TBC1D23: variants seen among roughly 807,000 people sequenced by gnomAD.
TBC1D23 encodes TBC1 domain family member 23.
In TBC1D23, 55 loss-of-function variants were observed where a neutral mutation model predicts 91.4. The ratio of observed to expected loss-of-function variants is 0.60; its 90% CI spans 0.48 to 0.75. The LOEUF (loss-of-function observed/expected upper bound fraction) is 0.75. TBC1D23 is among the 30% of genes least tolerant of loss of function. TBC1D23 has a pLI of 0.00. For synonymous variants in TBC1D23, 289 were observed against 281.0 expected (o/e 1.03, Z -0.28); for missense variants, 725 against 836.1 (o/e 0.87, Z 1.64).
intron 17 of TBC1D23, among the ~76,000 whole-genome samples, chr3:100,319,941 A>T (rs918785763): frequency 6.6e-6 from 1 of 152,060 alleles, no homozygotes; most frequent in Non-Finnish European, 1.5e-5. Context: ...CCACCTAAAA[A>T]TTTTTGTAAA....
chr3:100,284,313 T>C (rs1488328922), intron 4 of TBC1D23, among the ~76,000 whole-genome samples: 5 of 152,142 alleles, frequency 3.3e-5, no homozygotes, highest in Non-Finnish European at 5.9e-5. Flanking sequence ...CACAGAAATT[T>C]ATTTTTAAAA....
At chr3:100,305,377 A>C (rs1042670216) in intron 12 of TBC1D23, among the ~76,000 whole-genome samples, 1 of 152,188 alleles carries the variant, frequency 6.6e-6, no homozygotes, top group Non-Finnish European at 1.5e-5. Context: ...CTAGGAGAGT[A>C]AAATAATTGG....
chr3:100,318,639 C>G (rs893949556), intron 16 of TBC1D23, among the ~76,000 whole-genome samples: 2 of 150,100 alleles, frequency 1.3e-5, no homozygotes, highest in Non-Finnish European at 3.0e-5. Context: ...GAATTGATTG[C>G]GTTATTCTTT....
In TBC1D23 at chr3:100,295,147, T is replaced by A. The variant is rs756938660; in HGVS notation, c.661T>A (p.Tyr221Asn). The change falls in exon 6 of 19, where the codon TAT (tyrosine) becomes AAT (asparagine). Residue 221 changes from tyrosine (Y) to asparagine (N), a missense_variant. Physicochemically the swap from Tyr to Asn is moderately radical, Grantham distance 143 (BLOSUM62 -2). Transcript: ENST00000394144. ...AGTCACTCAGGCAATATGGGATGGA[T>A]ATCTACAACAAGCAGATCCATTTTT... is the stretch of plus-strand genomic sequence containing the variant. ...TEVTQAIWDG[Y>N]LQQADPFFIY... 4 of 1,606,862 alleles carry A rather than the reference T, an allele frequency of 2.5e-6. No homozygotes were observed. Among genetic ancestry groups the A allele is most frequent in the Non-Finnish European group, 1.7e-6 (2 of 1,176,796 alleles).
At chr3:100,289,697 G>A (rs1357243545) in intron 4 of TBC1D23, among the ~76,000 whole-genome samples, 2 of 152,154 alleles carry the variant, frequency 1.3e-5, no homozygotes, top group Admixed American at 1.3e-4. Flanking sequence ...CTGAGATGAT[G>A]ACTAGAAACT....
chr3:100,311,813 T>C lies in TBC1D23; in HGVS notation c.1554-20T>C. ...TTTTTATAATCATTTTGTTCTGTCC[T>C]CTGCCTTGATTTGCTATAGAATGTC... On this transcript the variant is annotated intron_variant, in intron 14 of 18. Transcript: ENST00000394144. 1.3e-6 allele frequency: 2 copies of C among 1,523,278 alleles called. No individual in the cohort carries two copies. Among genetic ancestry groups the C allele is most frequent in the Non-Finnish European group, 1.8e-6 (2 of 1,134,904 alleles). 94.4% of individuals were successfully genotyped at this position (1,523,278 alleles called of 1,614,324 possible). A position where few individuals can be genotyped will look rare whatever the true frequency, so the allele number is the denominator to read the frequency against.
chr3:100,273,842 T>C (rs573198647), intron 1 of TBC1D23, among the ~76,000 whole-genome samples: 139 of 152,250 alleles, frequency 9.1e-4, no homozygotes, highest in African/African-American at 3.1e-3. Flanking sequence ...GATCCCTTCT[T>C]TACACTATAT....
chr3:100,309,511 G>T (rs1705580127), intron 13 of TBC1D23, among the ~76,000 whole-genome samples: 1 of 151,616 alleles, frequency 6.6e-6, no homozygotes, highest in Non-Finnish European at 1.5e-5. Flanking sequence ...AGATAAGAAA[G>T]GTCAGTAGTT....
At chr3:100,293,271 C>T (rs967420854) in intron 5 of TBC1D23, among the ~76,000 whole-genome samples, 4 of 152,156 alleles carry the variant, frequency 2.6e-5, no homozygotes, top group Non-Finnish European at 5.9e-5. Flanking sequence ...GTAGTTGGCA[C>T]TGCAGGCGCC....
chr3:100,279,073 C>G (rs2067673935), intron 1 of TBC1D23, among the ~76,000 whole-genome samples: 2 of 152,198 alleles, frequency 1.3e-5, no homozygotes, highest in African/African-American at 4.8e-5. Context: ...GGCTCTACTG[C>G]TGATATGACA....
intron 1 of TBC1D23, among the ~76,000 whole-genome samples, chr3:100,274,684 A>G (rs934953087): frequency 2.0e-5 from 3 of 150,748 alleles, no homozygotes; most frequent in Non-Finnish European, 3.0e-5. Context: ...CACTTACCGT[A>G]ATGTTGTCAA....
At chr3:100,262,072 A>C (rs2067515726) in intron 1 of TBC1D23, among the ~76,000 whole-genome samples, 1 of 152,234 alleles carries the variant, frequency 6.6e-6, no homozygotes. Flanking sequence ...GATAATTAGT[A>C]ATTAAGAAAT....
intron 3 of TBC1D23, among the ~76,000 whole-genome samples, chr3:100,282,439 G>A (rs764526929): frequency 6.6e-6 from 1 of 152,154 alleles, no homozygotes; most frequent in Non-Finnish European, 1.5e-5. Context: ...CTATATGATT[G>A]TATGCAGCCC....
At chr3:100,309,610 C>CTTTTTTTTTTTTTTTTT (rs71132518) in intron 13 of TBC1D23, among the ~76,000 whole-genome samples, 25 of 116,120 alleles carry the variant, frequency 2.2e-4, no homozygotes, top group African/African-American at 7.6e-4. Flanking sequence ...ATTCTACCTT[C>CTTTTTTTTTTTTTTTTT]TTTTTTTTTT....
chr3:100,307,816 A>G (rs998596878), intron 13 of TBC1D23, among the ~76,000 whole-genome samples: 1 of 152,134 alleles, frequency 6.6e-6, no homozygotes, highest in Non-Finnish European at 1.5e-5. Flanking sequence ...CATTGTTTCC[A>G]GTTTTTTTCT....
intron 1 of TBC1D23, chr3:100,267,376 A>G (rs2067565736): frequency 1.1e-5 from 3 of 264,742 alleles, no homozygotes; most frequent in South Asian, 9.6e-5. Flanking sequence ...TAACTTTTTA[A>G]CCTGAGTTAA....
chr3:100,322,617 C>T (rs2148875481), intron 18 of TBC1D23, among the ~76,000 whole-genome samples: 1 of 152,256 alleles, frequency 6.6e-6, no homozygotes, highest in South Asian at 2.1e-4. Context: ...GAGAGGTATA[C>T]ACATTTTAAT....
chr3:100,319,044 A>G (rs755797547), intron 16 of TBC1D23, 25 bp from the exon 17 acceptor site: 3 of 1,454,974 alleles, frequency 2.1e-6, no homozygotes, highest in African/African-American at 1.4e-5. Flanking sequence ...TAATATCCAT[A>G]TTTAATACTT....
chr3:100,313,469 G>A (rs1426064528), intron 15 of TBC1D23, among the ~76,000 whole-genome samples: 2 of 152,132 alleles, frequency 1.3e-5, no homozygotes, highest in Admixed American at 1.3e-4. Context: ...TAGTACAGCT[G>A]TTGAATTTTA....
Sources: gnomAD v4.1 joint callset for allele counts (sites outside exome capture counted in the v4.1 genomes callset) on GRCh38, gnomAD v4.1.1 for gene constraint, MANE v1.5 for transcripts, NCBI Gene and HGNC (gene_info 2026-07-23, HGNC 2026-07-21) for gene names.